The following MGAT4C variants were observed in gnomAD, a reference collection of about 807,000 sequenced individuals.
MGAT4C encodes the protein MGAT4 family member C.
Under a neutral mutation model 40.1 loss-of-function variants are expected in MGAT4C, and 19 were observed. The observed-to-expected ratio is 0.47, with a 90% CI of 0.33 to 0.70. MGAT4C has a LOEUF of 0.70. Ranked by LOEUF, MGAT4C falls within the 30% of genes least tolerant of loss-of-function variation. The pLI is 0.02. For missense variants in MGAT4C, 491 were observed against 563.2 expected (o/e 0.87, Z 1.30); for synonymous variants, 181 against 187.1 (o/e 0.97, Z 0.27).
chr12:85,968,059 G>A lies in MGAT4C; in HGVS notation c.*11230C>T, dbSNP rs1038996497. The A allele has an allele frequency of 6.6e-6, 1 of 151,914 alleles. No individual in the cohort carries two copies. Among genetic ancestry groups the A allele is most frequent in the Non-Finnish European group, 1.5e-5 (1 of 67,914 alleles). 9.4% of individuals were successfully genotyped at this position (151,914 alleles called of 1,614,324 possible). ...TTTAAAAATTTGACAAATTTTTAAA[G>A]TACCCAGTTCTTGGAAAAAGAAAAA... On this transcript the variant is annotated 3_prime_UTR_variant, in exon 5 of 5. Coordinates refer to ENST00000611864, the MANE Select transcript of MGAT4C (RefSeq NM_001351288.2).
Position 86,501,222 on chromosome 12 carries a change from A to G in MGAT4C, c.-228-65957T>C, listed in dbSNP as rs192835026. ...TAGTATGGGAAAAAATATATTAAAA[A>G]GAGAAGAAGAGAAATGTTTCTAGAA... On this transcript the variant is annotated intron_variant, in intron 2 of 7. Transcript: ENST00000548651. Among the ~76,000 whole-genome samples, 168 of 152,298 alleles carry G rather than the reference A, an allele frequency of 1.1e-3. 1 individual carries two copies. Among genetic ancestry groups the G allele is most frequent in the African/African-American group, 3.8e-3 (157 of 41,586 alleles).
At chr12:86,267,943 G>T (rs1175600750) in intron 4 of MGAT4C, among the ~76,000 whole-genome samples, 1 of 152,038 alleles carries the variant, frequency 6.6e-6, no homozygotes. Context: ...CTAACATAGT[G>T]GCAGTAGGAC....
chr12:86,574,036 C>G (rs1960466960), intron 2 of MGAT4C, among the ~76,000 whole-genome samples: 1 of 151,688 alleles, frequency 6.6e-6, no homozygotes, highest in Non-Finnish European at 1.5e-5. Context: ...AGAAACTATG[C>G]TTTAGAGATA....
At chr12:86,622,872 CTATTAT>C (rs1436219291) in intron 2 of MGAT4C, among the ~76,000 whole-genome samples, 2 of 151,932 alleles carry the variant, frequency 1.3e-5, no homozygotes, top group Non-Finnish European at 2.9e-5. Context: ...ATTAAACCAG[CTATTAT>C]TATTATATTT....
chr12:86,765,759 C>T (rs929991612), intron 1 of MGAT4C, among the ~76,000 whole-genome samples: 6 of 152,094 alleles, frequency 3.9e-5, no homozygotes, highest in African/African-American at 1.4e-4. Context: ...TCATATCCAG[C>T]CAAACTAAGC....
chr12:86,539,437 G>C (rs1959134931), intron 2 of MGAT4C, among the ~76,000 whole-genome samples: 1 of 152,168 alleles, frequency 6.6e-6, no homozygotes, highest in East Asian at 1.9e-4. Flanking sequence ...TGGACATTTG[G>C]GTTGGTTCCA....
At chr12:85,998,396 A>G (rs933491673) in intron 2 of MGAT4C, among the ~76,000 whole-genome samples, 2 of 152,062 alleles carry the variant, frequency 1.3e-5, no homozygotes, top group African/African-American at 4.8e-5. Context: ...ACTTATGCAA[A>G]TTTCTGCAGC....
chr12:86,183,348 T>C (rs1200778407), intron 1 of MGAT4C, among the ~76,000 whole-genome samples: 1 of 152,202 alleles, frequency 6.6e-6, no homozygotes, highest in Non-Finnish European at 1.5e-5. Flanking sequence ...CTCTGCTACA[T>C]ATTAGCCCTG....
At position 86,108,664 on chromosome 12, in the gene MGAT4C, A is replaced by G. The variant is rs78659311; in HGVS notation, c.-56-58941T>C. 0.022 allele frequency among the ~76,000 whole-genome samples: 3,365 copies of G among 152,220 alleles called. 262 individuals are homozygous for G. The East Asian group carries it at 0.28, about 13-fold the overall frequency. On this transcript the variant is annotated intron_variant, in intron 1 of 4. Transcript: ENST00000611864. Reference sequence around the variant, plus strand: ...TCGTGTCCTGAAAAATCCTTTTGACATATAGGGCCTAATTGTAGTATATTT... The same window carrying G: ...TCGTGTCCTGAAAAATCCTTTTGACGTATAGGGCCTAATTGTAGTATATTT...
chr12:86,051,797 A>G (rs1309053027), intron 1 of MGAT4C, among the ~76,000 whole-genome samples: 1 of 151,314 alleles, frequency 6.6e-6, no homozygotes, highest in Non-Finnish European at 1.5e-5. Flanking sequence ...TATAATAGAT[A>G]TAATTTAGTT....
chr12:86,190,735 T>C (rs1034311581), intron 1 of MGAT4C, among the ~76,000 whole-genome samples: 13 of 152,088 alleles, frequency 8.5e-5, no homozygotes, highest in African/African-American at 2.7e-4. Flanking sequence ...GTGTCTTTTT[T>C]TGGTCACACA....
At chr12:86,701,743 T>C (rs1237223734) in intron 2 of MGAT4C, among the ~76,000 whole-genome samples, 2 of 152,126 alleles carry the variant, frequency 1.3e-5, no homozygotes, top group African/African-American at 4.8e-5. Flanking sequence ...AAGGTAGGCC[T>C]CTTGTGACAA....
chr12:86,772,121 C>T (rs778560609), intron 1 of MGAT4C, among the ~76,000 whole-genome samples: 3 of 152,068 alleles, frequency 2.0e-5, no homozygotes, highest in Non-Finnish European at 2.9e-5. Flanking sequence ...GGCTGAATGA[C>T]CATTTGCTAA....
intron 2 of MGAT4C, among the ~76,000 whole-genome samples, chr12:86,539,372 A>G (rs906040752): frequency 1.4e-4 from 21 of 152,218 alleles, no homozygotes; most frequent in African/African-American, 3.1e-4. Flanking sequence ...TTTTATGGCT[A>G]CATAGTATTC....
intron 3 of MGAT4C, among the ~76,000 whole-genome samples, chr12:86,423,820 T>G (rs1354289924): frequency 6.6e-6 from 1 of 152,232 alleles, no homozygotes; most frequent in Non-Finnish European, 1.5e-5. Context: ...CTGTCTTGCC[T>G]AATAATGAGA....
intron 4 of MGAT4C, among the ~76,000 whole-genome samples, chr12:86,272,167 A>G (rs1952967419): frequency 6.6e-6 from 1 of 152,210 alleles, no homozygotes; most frequent in South Asian, 2.1e-4. Context: ...ATTGCTATGC[A>G]TTATATACCT....
intron 2 of MGAT4C, among the ~76,000 whole-genome samples, chr12:86,705,038 A>G (rs778474634): frequency 1.3e-5 from 2 of 152,062 alleles, no homozygotes; most frequent in Non-Finnish European, 2.9e-5. Context: ...ATCATATTCA[A>G]ATAAGTGAGA....
At chr12:86,110,296 CTCTCTATATATATATA>C (rs1877092251) in intron 1 of MGAT4C, among the ~76,000 whole-genome samples, 1 of 18,934 alleles carries the variant, frequency 5.3e-5, no homozygotes, top group Admixed American at 7.8e-4. Flanking sequence ...TATATATAGT[CTCTCTATATATATATA>C]TATATAGTCT....
At chr12:86,108,257 T>A (rs896418659) in intron 1 of MGAT4C, among the ~76,000 whole-genome samples, 1 of 152,132 alleles carries the variant, frequency 6.6e-6, no homozygotes, top group Non-Finnish European at 1.5e-5. Flanking sequence ...CCCTCATTAA[T>A]GTTAAAATAG....
Sources: allele counts gnomAD v4.1 joint callset (sites outside exome capture counted in the v4.1 genomes callset), GRCh38; gene constraint gnomAD v4.1.1; transcripts MANE v1.5; gene names NCBI Gene and HGNC (gene_info 2026-07-23, HGNC 2026-07-21).